FAM114A2: variants seen among roughly 807,000 people sequenced by gnomAD.
The protein encoded by FAM114A2 is family with sequence similarity 114 member A2.
Under a neutral mutation model 58.4 loss-of-function variants are expected in FAM114A2, and 53 were observed. The ratio of observed to expected loss-of-function variants is 0.91; its 90% CI spans 0.73 to 1.14. The LOEUF is 1.14. FAM114A2 is among the 50% of genes most tolerant of loss of function. The pLI is 0.00. For missense variants in FAM114A2, 601 were observed against 581.1 expected (o/e 1.03, Z -0.35); for synonymous variants, 228 against 211.4 (o/e 1.08, Z -0.68).
intron 2 of FAM114A2, 100 bp from the exon 3 acceptor site, chr5:154,034,477 G>C (rs1772413231): frequency 1.4e-6 from 1 of 712,892 alleles, no homozygotes; most frequent in Non-Finnish European, 2.4e-6. Flanking sequence ...TTAGCCAAAA[G>C]CATGGGTGAA....
At position 153,993,077 on chromosome 5, in the gene FAM114A2, A is replaced by C; in HGVS notation, c.1417T>G (p.Phe473Val). The change falls in exon 14 of 14, where the codon TTT (phenylalanine) becomes GTT (valine). Residue 473 changes from phenylalanine (F) to valine (V), a missense_variant. Phe to Val is a conservative substitution (Grantham distance 50, BLOSUM62 -1). Coordinates refer to ENST00000351797, the MANE Select transcript of FAM114A2 (RefSeq NM_018691.4). Reference sequence around the variant, plus strand: ...TCTAGCACAGGTAAGAGTAGCTGAAAGGCGTCCTGGATGTAGGAGGCACTG... The same window carrying C: ...TCTAGCACAGGTAAGAGTAGCTGAACGGCGTCCTGGATGTAGGAGGCACTG... ...SNSASYIQDA[F>V]QLLLPVLEIS... is the part of the protein sequence containing the mutation. 1.2e-6 allele frequency: 2 copies of C among 1,612,740 alleles called. No individual in the cohort carries two copies. The highest frequency in any genetic ancestry group is 1.7e-6 in the Non-Finnish European group (2 of 1,179,078).
intron 4 of FAM114A2, among the ~76,000 whole-genome samples, chr5:154,032,961 T>C (rs1772298945): frequency 6.6e-6 from 1 of 152,174 alleles, no homozygotes; most frequent in African/African-American, 2.4e-5. Context: ...CTAAGAACAG[T>C]GCCTCCAGTT....
At chr5:154,011,194 AT>A (rs751952899) in intron 9 of FAM114A2, 46 bp downstream of exon 9, 1 of 1,399,816 alleles carries the variant, frequency 7.1e-7, no homozygotes, top group Non-Finnish European at 1.0e-6. Context: ...TATCCACTAC[AT>A]TTTTACAAGT....
At chr5:154,000,538 T>C (rs1274366551) in intron 11 of FAM114A2, among the ~76,000 whole-genome samples, 2 of 152,148 alleles carry the variant, frequency 1.3e-5, no homozygotes, top group African/African-American at 2.4e-5. Flanking sequence ...GTGGAAGACA[T>C]GAATGGAAAT....
At chr5:154,022,890 T>A (rs1192084975) in intron 8 of FAM114A2, among the ~76,000 whole-genome samples, 1 of 152,204 alleles carries the variant, frequency 6.6e-6, no homozygotes, top group Admixed American at 6.5e-5. Context: ...CCAACCCAAA[T>A]GTCCATCAAT....
chr5:154,007,870 A>G (rs1364811791), intron 9 of FAM114A2, among the ~76,000 whole-genome samples: 1 of 152,098 alleles, frequency 6.6e-6, no homozygotes, highest in Non-Finnish European at 1.5e-5. Flanking sequence ...CCTCACAGGA[A>G]CTCTACATTA....
At chr5:154,021,078 CTT>C (rs1561563554) in intron 8 of FAM114A2, among the ~76,000 whole-genome samples, 1 of 152,142 alleles carries the variant, frequency 6.6e-6, no homozygotes, top group Non-Finnish European at 1.5e-5. Flanking sequence ...CAGAAAAGGC[CTT>C]TGACAAAATT....
At chr5:154,035,052 A>G in intron 1 of FAM114A2, 85 bp from the exon 2 acceptor site, 1 of 735,582 alleles carries the variant, frequency 1.4e-6, no homozygotes, top group Non-Finnish European at 2.2e-6. Flanking sequence ...TGAGATTATC[A>G]TAGATTCACA....
intron 8 of FAM114A2, among the ~76,000 whole-genome samples, chr5:154,020,840 C>CA (rs1561563297): frequency 6.6e-6 from 1 of 151,820 alleles, no homozygotes; most frequent in Admixed American, 6.6e-5. Flanking sequence ...AGAGACACGA[C>CA]AAAAAAAGAG....
At position 153,990,454 on chromosome 5, in the gene FAM114A2, T is replaced by G. The variant is rs1032491165; in HGVS notation, c.*2522A>C. 1 of 150,804 alleles carries G rather than the reference T, an allele frequency of 6.6e-6. No homozygotes were observed. The highest frequency in any genetic ancestry group is 1.5e-5 in the Non-Finnish European group (1 of 67,926). 9.3% of individuals were successfully genotyped at this position (150,804 alleles called of 1,614,324 possible). A position where few individuals can be genotyped will look rare whatever the true frequency, so the allele number is the denominator to read the frequency against. ...TCATAGTAATGCCATCTATAAAAAT[T>G]ACAATTTCACATTTCAGAGGCCTGC... On this transcript the variant is annotated 3_prime_UTR_variant, in exon 14 of 14. Coordinates refer to ENST00000351797, the MANE Select transcript of FAM114A2 (RefSeq NM_018691.4).
chr5:154,006,190 C>T (rs1770333273), intron 9 of FAM114A2, among the ~76,000 whole-genome samples: 1 of 152,170 alleles, frequency 6.6e-6, no homozygotes, highest in Non-Finnish European at 1.5e-5. Flanking sequence ...AGGATACTGG[C>T]ATTTTACTCA....
chr5:154,015,227 G>T (rs973988584), intron 8 of FAM114A2, among the ~76,000 whole-genome samples: 7 of 152,084 alleles, frequency 4.6e-5, no homozygotes, highest in African/African-American at 1.7e-4. Flanking sequence ...ATACTCTTGG[G>T]AGTTCTAGGG....
At chr5:154,005,673 C>T (rs869737) in intron 9 of FAM114A2, among the ~76,000 whole-genome samples, 99,117 of 152,034 alleles carry the variant, frequency 0.65, 32,667 homozygotes, top group East Asian at 0.88. Flanking sequence ...ACTGAATTCC[C>T]CTCTTTTAAA....
intron 1 of FAM114A2, 74 bp from the exon 2 acceptor site, chr5:154,035,041 T>C: frequency 1.1e-6 from 1 of 870,402 alleles, no homozygotes; most frequent in Non-Finnish European, 1.8e-6. Flanking sequence ...ACTTTTTAGT[T>C]TGAGATTATC....
Position 153,992,643 on chromosome 5 carries a change from G to A in FAM114A2, c.*333C>T, listed in dbSNP as rs555743178. 6.8e-4 allele frequency: 117 copies of A among 173,308 alleles called. No individual in the cohort carries two copies. The highest frequency in any genetic ancestry group is 2.6e-3 in the African/African-American group (112 of 42,350). 10.7% of individuals were successfully genotyped at this position (173,308 alleles called of 1,614,324 possible). On this transcript the variant is annotated 3_prime_UTR_variant, in exon 14 of 14. Coordinates refer to ENST00000351797, the MANE Select transcript of FAM114A2 (RefSeq NM_018691.4). ...TCCATGGGCTGCAAATTATATCCAT[G>A]ACAAAATTGATAACATTTTGCAACA...
intron 8 of FAM114A2, among the ~76,000 whole-genome samples, chr5:154,020,592 C>A (rs932991740): frequency 2.0e-5 from 3 of 152,104 alleles, no homozygotes; most frequent in Non-Finnish European, 4.4e-5. Context: ...CAAGACTAAA[C>A]CAGAAAGAAG....
intron 8 of FAM114A2, among the ~76,000 whole-genome samples, chr5:154,015,583 C>T (rs777827256): frequency 1.3e-5 from 2 of 152,120 alleles, no homozygotes; most frequent in Admixed American, 1.3e-4. Context: ...AAGGGTGCTA[C>T]GTCAAGGAAA....
At chr5:154,023,087 G>A (rs567946373) in intron 8 of FAM114A2, among the ~76,000 whole-genome samples, 19 of 152,202 alleles carry the variant, frequency 1.2e-4, no homozygotes, top group Non-Finnish European at 2.6e-4. Context: ...ACTGAACAAT[G>A]AGAACACTTG....
intron 13 of FAM114A2, chr5:153,994,615 A>G (rs765070232): frequency 7.1e-5 from 16 of 225,504 alleles, no homozygotes; most frequent in Non-Finnish European, 1.2e-4. Context: ...TCAGCCCTTC[A>G]TGTTTACCAG....
Sources: allele counts gnomAD v4.1 joint callset (sites outside exome capture counted in the v4.1 genomes callset), GRCh38; gene constraint gnomAD v4.1.1; transcripts MANE v1.5; gene names NCBI Gene and HGNC (gene_info 2026-07-23, HGNC 2026-07-21).